The following TET2 variants were observed in gnomAD, a reference collection of about 807,000 sequenced individuals.
The protein encoded by TET2 is methylcytosine dioxygenase TET2.
Under a neutral mutation model 142.9 loss-of-function variants are expected in TET2, and 299 were observed. The ratio of observed to expected loss-of-function variants is 2.09; its 90% CI spans 1.90 to 2.30. TET2 has a LOEUF of 2.30. Among genes scored for constraint, TET2 ranks in the 30% most tolerant of loss-of-function variants. The pLI is 0.00. For synonymous variants in TET2, 819 were observed against 849.0 expected, an observed-to-expected ratio of 0.96 and a Z score of 0.61; for missense variants, 2,418 against 2,378.0, an observed-to-expected ratio of 1.02 and a Z score of -0.35.
intron 1 of TET2, among the ~76,000 whole-genome samples, chr4:105,157,605 T>C (rs1158408340): frequency 1.3e-5 from 2 of 152,218 alleles, no homozygotes; most frequent in South Asian, 2.1e-4. Flanking sequence ...GATTTAATTA[T>C]GTATTTCTAC....
intron 2 of TET2, among the ~76,000 whole-genome samples, chr4:105,221,281 A>G (rs1727799134): frequency 6.6e-6 from 1 of 152,126 alleles, no homozygotes. Context: ...GATCATGCTC[A>G]TTTTACCAAT....
chr4:105,240,313 G>T, intron 3 of TET2: 1 of 1,052,608 alleles, frequency 9.5e-7, no homozygotes, highest in Non-Finnish European at 1.2e-6. Context: ...ATAAAACGAG[G>T]TATGCCTGTA....
At position 105,235,161 on chromosome 4, in the gene TET2, TC is replaced by T. The variant is rs1225010408; in HGVS notation, c.1220del (p.Ser407PhefsTer20). 1.2e-6 allele frequency: 2 copies of T among 1,613,722 alleles called. No homozygotes were observed. Among genetic ancestry groups the T allele is most frequent in the Admixed American group, 1.7e-5 (1 of 59,968 alleles). On this transcript the variant is annotated frameshift_variant, in exon 3 of 11. Transcript: ENST00000380013. LOFTEE classifies it high-confidence loss of function. ...ACCACCACCATCACAATTGCTTCTT[TC>T]TCCCCCTCCTCCTCTTCCACAGGTT... ...TPPPPSQLLL[S>X]PPPPLPQVPQ...
chr4:105,236,075 G>A lies in TET2; in HGVS notation c.2133G>A (p.Glu711=), dbSNP rs1273067037. The A allele has an allele frequency of 2.5e-6, 4 of 1,614,020 alleles. No homozygotes were observed. In the African/African-American group the frequency reaches 5.3e-5, roughly 22 times the overall value. Residue 711 remains glutamate, a synonymous_variant, in exon 3 of 11, where the codon GAG becomes GAA. Coordinates refer to ENST00000380013, the MANE Select transcript of TET2 (RefSeq NM_001127208.3). ...TGAATCAACAGGCTTCAGAGACTGA[G>A]CCATTTTCAAACTCACACCTTTTGC... ...QHLNQQASET[E]PFSNSHLLQH...
intron 4 of TET2, 196 bp from the exon 5 acceptor site, chr4:105,242,638 T>G: frequency 7.4e-7 from 1 of 1,344,768 alleles, no homozygotes; most frequent in Non-Finnish European, 9.6e-7. Context: ...CTGTACATTT[T>G]GATATTGAGG....
intron 1 of TET2, among the ~76,000 whole-genome samples, chr4:105,165,479 T>C (rs1027182737): frequency 6.6e-6 from 1 of 152,232 alleles, no homozygotes; most frequent in East Asian, 1.9e-4. Context: ...TTTAGGCCCA[T>C]GTGAAAGATG....
chr4:105,209,525 C>T (rs923748431), intron 2 of TET2, among the ~76,000 whole-genome samples: 3 of 151,960 alleles, frequency 2.0e-5, no homozygotes, highest in Non-Finnish European at 4.4e-5. Flanking sequence ...AATGTGCTTC[C>T]AACAACTTTC....
intron 3 of TET2, chr4:105,237,892 A>G (rs1729052891): frequency 1.9e-6 from 2 of 1,042,134 alleles, no homozygotes; most frequent in Non-Finnish European, 2.3e-6. Flanking sequence ...CCTTTTCTCC[A>G]TTTATACATT....
At chr4:105,161,750 G>A (rs1332443444) in intron 1 of TET2, among the ~76,000 whole-genome samples, 1 of 152,174 alleles carries the variant, frequency 6.6e-6, no homozygotes, top group East Asian at 1.9e-4. Context: ...GAAGGGGCAA[G>A]CATGCAATAA....
At chr4:105,188,018 A>G (rs1423458943) in intron 1 of TET2, among the ~76,000 whole-genome samples, 1 of 152,236 alleles carries the variant, frequency 6.6e-6, no homozygotes, top group Non-Finnish European at 1.5e-5. Flanking sequence ...TCCACTCTCA[A>G]GAGAATTGAA....
chr4:105,275,966 T>G lies in TET2; in HGVS notation c.5456T>G (p.Leu1819Ter), dbSNP rs1731200712. The G allele has an allele frequency of 1.3e-6, 2 of 1,551,664 alleles. No individual in the cohort carries two copies. The highest frequency in any genetic ancestry group is 1.7e-6 in the Non-Finnish European group (2 of 1,146,972). ...TGTGTCCAAGGAGGCTTACACAAAT[T>G]AAGTGATGCTAATGGTCAGGAAAAG... ...TACVQGGLHKLSDANGQEKQP... is the reference protein window; with the variant it reads ...TACVQGGLHK The change falls in exon 11 of 11, where the codon TTA becomes TGA. Residue 1819 changes from leucine to a stop codon, truncating the protein, a stop_gained. Transcript: ENST00000380013. LOFTEE classifies it low-confidence loss of function (END_TRUNC).
intron 2 of TET2, among the ~76,000 whole-genome samples, chr4:105,200,655 T>TTTTGTG (rs1479438903): frequency 6.6e-6 from 1 of 151,654 alleles, no homozygotes; most frequent in Non-Finnish European, 1.5e-5. Context: ...TTGTTTTTGT[T>TTTTGTG]TTTGTTTTTG....
chr4:105,253,372 A>T (rs1327527489), intron 6 of TET2, among the ~76,000 whole-genome samples: 1 of 151,988 alleles, frequency 6.6e-6, no homozygotes, highest in Admixed American at 6.6e-5. Context: ...TTTTCCCCAT[A>T]TAGACCATGT....
chr4:105,231,901 G>C (rs376515519), intron 2 of TET2, among the ~76,000 whole-genome samples: 19 of 152,142 alleles, frequency 1.2e-4, no homozygotes, highest in Non-Finnish European at 2.6e-4. Context: ...AATGCAATCA[G>C]ATTCAAGGGT....
At position 105,274,491 on chromosome 4, in the gene TET2, T is replaced by G. The variant is rs73838070; in HGVS notation, c.4538-557T>G. On this transcript the variant is annotated intron_variant, in intron 10 of 10. Coordinates refer to ENST00000380013, the MANE Select transcript of TET2 (RefSeq NM_001127208.3). Reference sequence around the variant, plus strand: ...TCTTACATAATAAATCTTATTTTAATTATTTAGCAAATTCCATTGCATGCC... The same window carrying G: ...TCTTACATAATAAATCTTATTTTAAGTATTTAGCAAATTCCATTGCATGCC... 2.6e-3 allele frequency among the ~76,000 whole-genome samples: 402 copies of G among 152,356 alleles called. 3 individuals are homozygous for G. The highest frequency in any genetic ancestry group is 7.8e-3 in the African/African-American group (326 of 41,586).
In TET2 at chr4:105,276,845, C is replaced by G. The variant is rs895858751; in HGVS notation, c.*326C>G. ...GATGATATGTAAATGTGATCCCCCC[C>G]CCCCGCTTACAACTCTACACATCTG... is the stretch of plus-strand genomic sequence containing the variant. On this transcript the variant is annotated 3_prime_UTR_variant, in exon 11 of 11. Transcript: ENST00000380013. 8 of 212,950 alleles carry G rather than the reference C, an allele frequency of 3.8e-5. 1 individual carries two copies. The highest frequency in any genetic ancestry group is 7.4e-5 in the Non-Finnish European group (8 of 107,772). The allele number at this position is 212,950 out of a possible 1,614,324, so 13.2% of individuals were successfully genotyped here. A position where few individuals can be genotyped will look rare whatever the true frequency, so the allele number is the denominator to read the frequency against.
At chr4:105,204,141 T>C (rs1726652266) in intron 2 of TET2, among the ~76,000 whole-genome samples, 1 of 150,644 alleles carries the variant, frequency 6.6e-6, no homozygotes, top group Non-Finnish European at 1.5e-5. Flanking sequence ...GAGGTTGCAG[T>C]GAGTTGAGTT....
intron 6 of TET2, among the ~76,000 whole-genome samples, chr4:105,247,225 CAG>C (rs775327863): frequency 2.6e-5 from 4 of 152,130 alleles, no homozygotes; most frequent in Non-Finnish European, 5.9e-5. Context: ...AAGCAGAAGA[CAG>C]ATAACTTACC....
At chr4:105,274,395 A>G (rs1731098804) in intron 10 of TET2, among the ~76,000 whole-genome samples, 1 of 152,186 alleles carries the variant, frequency 6.6e-6, no homozygotes, top group Admixed American at 6.5e-5. Flanking sequence ...ATAAAGTAGC[A>G]CTTGTTGATT....
Sources: gnomAD v4.1 joint callset for allele counts (sites outside exome capture counted in the v4.1 genomes callset) on GRCh38, gnomAD v4.1.1 for gene constraint, MANE v1.5 for transcripts, NCBI Gene and HGNC (gene_info 2026-07-23, HGNC 2026-07-21) for gene names.